Variants in CTAGE8 observed in about 807,000 individuals in gnomAD.
CTAGE8 encodes the protein CTAGE family member 8.
For missense variants in CTAGE8, 45 were observed against 284.9 expected (o/e 0.16, Z 6.06); for synonymous variants, 10 against 100.1 (o/e 0.10, Z 5.37).
chr7:144,267,550 G>A lies in CTAGE8; in HGVS notation c.1701C>T (p.Pro567=). 3.8e-6 allele frequency: 2 copies of A among 527,084 alleles called. No individual in the cohort carries two copies. Among genetic ancestry groups the A allele is most frequent in the Non-Finnish European group, 5.6e-6 (2 of 354,148 alleles). The allele number at this position is 527,084 out of a possible 1,614,324, so 32.7% of individuals were successfully genotyped here. The part of the protein sequence containing the change: ...GGRGPSSPGN[P]LDHQITNERG... ...TTTCATTGGTAATCTGATGGTCCAG[G>A]GGATTCCCTGGGCTGCTTGGGCCTC... is the stretch of plus-strand genomic sequence containing the variant. The change falls in exon 1 of 1, where the codon CCC becomes CCT. Residue 567 remains proline, a synonymous_variant. Transcript: ENST00000487179.
Position 144,267,114 on chromosome 7 carries a change from G to C in CTAGE8, c.2137C>G (p.Pro713Ala), listed in dbSNP as rs1472036253. Residue 713 changes from proline to alanine, a missense_variant, in exon 1 of 1, where the codon CCG (proline) becomes GCG (alanine). By Grantham distance (27) the Pro-to-Ala change is conservative. Coordinates refer to ENST00000487179, the MANE Select transcript of CTAGE8 (RefSeq NM_001278507.2). ...AAAGGAGGTCCTCTTCTCATGAACG[G>C]GCCCCTTGTATCCACTGGAAACAAT... is the stretch of plus-strand genomic sequence containing the variant. ...GPLFPVDTRG[P>A]FMRRGPPFPP... is the part of the protein sequence containing the mutation. 3.2e-6 allele frequency: 5 copies of C among 1,564,354 alleles called. No individual in the cohort carries two copies. In the Admixed American group the frequency reaches 8.8e-5, roughly 28 times the overall value.
rs2052718192 is a variant in CTAGE8 at position 144,267,136 on chromosome 7, C to T, written c.2115G>A (p.Leu705=). 6.4e-7 allele frequency: 1 copy of T among 1,570,790 alleles called. No homozygotes were observed. The highest frequency in any genetic ancestry group is 1.4e-5 in the African/African-American group (1 of 70,376). Residue 705 remains leucine, a synonymous_variant, in exon 1 of 1, where the codon TTG becomes TTA. Coordinates refer to ENST00000487179, the MANE Select transcript of CTAGE8 (RefSeq NM_001278507.2). ...ACGGGCCCCTTGTATCCACTGGAAA[C>T]AATGGTCCTCTGACTGGAGCAAGAG... The part of the protein sequence containing the change: ...PPPLAPVRGP[L]FPVDTRGPFM...
rs1304667535 is a variant in CTAGE8, at chr7:144,267,153, G to A, written c.2098C>T (p.Pro700Ser). ...ACTGGAAACAATGGTCCTCTGACTGGAGCAAGAGGTGGAGGAATAAAGCCA... is the reference window on the plus strand; with the variant it reads ...ACTGGAAACAATGGTCCTCTGACTGAAGCAAGAGGTGGAGGAATAAAGCCA... ...GPGFIPPPLA[P>S]VRGPLFPVDT... Residue 700 changes from proline to serine, a missense_variant, in exon 1 of 1, where the codon CCA becomes TCA. By Grantham distance (74) the Pro-to-Ser change is moderately conservative. Transcript: ENST00000487179. 1 of 1,578,104 alleles carries A rather than the reference G, an allele frequency of 6.3e-7. No individual in the cohort carries two copies. Among genetic ancestry groups the A allele is most frequent in the East Asian group, 2.3e-5 (1 of 44,180 alleles).
chr7:144,267,164 G>C lies in CTAGE8; in HGVS notation c.2087C>G (p.Pro696Arg), dbSNP rs1187404827. 1 of 1,592,692 alleles carries C rather than the reference G, an allele frequency of 6.3e-7. No homozygotes were observed. The highest frequency in any genetic ancestry group is 1.7e-5 in the Admixed American group (1 of 58,016). Reference protein sequence around the residue: ...NEATGPGFIPPPLAPVRGPLF... With the variant: ...NEATGPGFIPRPLAPVRGPLF... ...TGGTCCTCTGACTGGAGCAAGAGGTGGAGGAATAAAGCCAGGGCCAGTTGC... is the reference window on the plus strand; with the variant it reads ...TGGTCCTCTGACTGGAGCAAGAGGTCGAGGAATAAAGCCAGGGCCAGTTGC... Residue 696 changes from proline to arginine, a missense_variant, in exon 1 of 1, where the codon CCA becomes CGA. Pro to Arg is a moderately radical substitution (Grantham distance 103, BLOSUM62 -2). Coordinates refer to ENST00000487179, the MANE Select transcript of CTAGE8 (RefSeq NM_001278507.2).
chr7:144,266,795 T>C lies in CTAGE8; in HGVS notation c.*122A>G. 1 of 561,028 alleles carries C rather than the reference T, an allele frequency of 1.8e-6. No individual in the cohort carries two copies. Among genetic ancestry groups the C allele is most frequent in the Non-Finnish European group, 2.8e-6 (1 of 353,118 alleles). The allele number at this position is 561,028 out of a possible 1,614,324, so 34.8% of individuals were successfully genotyped here. A position where few individuals can be genotyped will look rare whatever the true frequency, so the allele number is the denominator to read the frequency against. On this transcript the variant is annotated 3_prime_UTR_variant, in exon 1 of 1. Coordinates refer to ENST00000487179, the MANE Select transcript of CTAGE8 (RefSeq NM_001278507.2). ...GCAGTTACTTAAACTGAAAATGAGATCAGTCAAAATTACTTTTGAAGAAAG... is the reference window on the plus strand; with the variant it reads ...GCAGTTACTTAAACTGAAAATGAGACCAGTCAAAATTACTTTTGAAGAAAG...
At position 144,267,141 on chromosome 7, in the gene CTAGE8, G is replaced by C; in HGVS notation, c.2110C>G (p.Pro704Ala). ...IPPPLAPVRG[P>A]LFPVDTRGPF... The stretch of plus-strand genomic sequence containing the variant: ...CCCCTTGTATCCACTGGAAACAATG[G>C]TCCTCTGACTGGAGCAAGAGGTGGA... Residue 704 changes from proline (P) to alanine (A), a missense_variant, in exon 1 of 1, where the codon CCA becomes GCA. Physicochemically the swap from Pro to Ala is conservative, Grantham distance 27. Transcript: ENST00000487179. 1 of 1,571,630 alleles carries C rather than the reference G, an allele frequency of 6.4e-7. No individual in the cohort carries two copies. Among genetic ancestry groups the C allele is most frequent in the Admixed American group, 1.7e-5 (1 of 57,276 alleles).
At position 144,267,393 on chromosome 7, in the gene CTAGE8, T is replaced by C. The variant is rs200499471; in HGVS notation, c.1858A>G (p.Thr620Ala). 0.016 allele frequency: 20,947 copies of C among 1,316,798 alleles called. 457 individuals carry two copies. The highest frequency in any genetic ancestry group is 0.091 in the East Asian group (3,177 of 35,074). 81.6% of individuals were successfully genotyped at this position (1,316,798 alleles called of 1,614,324 possible). ...CTGTCTTCCCTTTGTGGAGGAAGAG[T>C]TGAATCAGGATATGATTGCCCTGGT... is the stretch of plus-strand genomic sequence containing the variant. ...PPPGQSYPDS[T>A]LPPQREDRFY... is the part of the protein sequence containing the mutation. The change falls in exon 1 of 1, where the codon ACT (threonine) becomes GCT (alanine). Residue 620 changes from threonine to alanine, a missense_variant. Transcript: ENST00000487179.
Position 144,266,713 on chromosome 7 carries a change from G to A in CTAGE8, c.*204C>T. 2.8e-6 allele frequency: 1 copy of A among 361,252 alleles called. No individual in the cohort carries two copies. Among genetic ancestry groups the A allele is most frequent in the Non-Finnish European group, 4.7e-6 (1 of 214,196 alleles). The allele number at this position is 361,252 out of a possible 1,614,324, so 22.4% of individuals were successfully genotyped here. A position where few individuals can be genotyped will look rare whatever the true frequency, so the allele number is the denominator to read the frequency against. ...ATCTTTATTTACGAAATACTATCCT[G>A]AGAACTATTATTCCATTAAACTTCA... On this transcript the variant is annotated 3_prime_UTR_variant, in exon 1 of 1. Coordinates refer to ENST00000487179, the MANE Select transcript of CTAGE8 (RefSeq NM_001278507.2).
At position 144,266,796 on chromosome 7, in the gene CTAGE8, C is replaced by A. The variant is rs1223259447; in HGVS notation, c.*121G>T. 1 of 562,504 alleles carries A rather than the reference C, an allele frequency of 1.8e-6. No homozygotes were observed. The highest frequency in any genetic ancestry group is 3.2e-5 in the African/African-American group (1 of 31,530). The allele number at this position is 562,504 out of a possible 1,614,324, so 34.8% of individuals were successfully genotyped here. ...CAGTTACTTAAACTGAAAATGAGATCAGTCAAAATTACTTTTGAAGAAAGC... is the reference window on the plus strand; with the variant it reads ...CAGTTACTTAAACTGAAAATGAGATAAGTCAAAATTACTTTTGAAGAAAGC... On this transcript the variant is annotated 3_prime_UTR_variant, in exon 1 of 1. Coordinates refer to ENST00000487179, the MANE Select transcript of CTAGE8 (RefSeq NM_001278507.2).
Position 144,267,584 on chromosome 7 carries a change from C to A in CTAGE8, c.1667G>T (p.Gly556Val). The A allele has an allele frequency of 4.8e-6, 2 of 417,024 alleles. No individual in the cohort carries two copies. The highest frequency in any genetic ancestry group is 7.6e-6 in the Non-Finnish European group (2 of 262,562). 25.8% of individuals were successfully genotyped at this position (417,024 alleles called of 1,614,324 possible). ...TGGGCTGCTTGGGCCTCTTCCTCCT[C>A]CCCCTGGAAGCACAGGTGAGAGTCT... ...PLRLSPVLPG[G>V]GGRGPSSPGN... is the part of the protein sequence containing the mutation. Residue 556 changes from glycine (G) to valine (V), a missense_variant, in exon 1 of 1, where the codon GGA becomes GTA. By Grantham distance (109) the Gly-to-Val change is moderately radical (BLOSUM62 -3). Coordinates refer to ENST00000487179, the MANE Select transcript of CTAGE8 (RefSeq NM_001278507.2).
Position 144,267,061 on chromosome 7 carries a change from A to C in CTAGE8, c.2190T>G (p.Phe730Leu). The change falls in exon 1 of 1, where the codon TTT (phenylalanine) becomes TTG (leucine). Residue 730 changes from phenylalanine to leucine, a missense_variant. Phe to Leu is a conservative substitution (Grantham distance 22). Transcript: ENST00000487179. ...GTGGAAAATAACCTCGAGAAGCTCCAAACATGGTTCCTGGAGGAGGTGGGG... is the reference window on the plus strand; with the variant it reads ...GTGGAAAATAACCTCGAGAAGCTCCCAACATGGTTCCTGGAGGAGGTGGGG... ...PFPPPPPGTM[F>L]GASRGYFPPR... 1.7e-6 allele frequency: 1 copy of C among 604,478 alleles called. No homozygotes were observed. The highest frequency in any genetic ancestry group is 2.8e-5 in the East Asian group (1 of 35,850). 37.4% of individuals were successfully genotyped at this position (604,478 alleles called of 1,614,324 possible).
chr7:144,267,348 T>C lies in CTAGE8; in HGVS notation c.1903A>G (p.Arg635Gly). The C allele has an allele frequency of 2.1e-6, 3 of 1,462,142 alleles. No homozygotes were observed. The highest frequency in any genetic ancestry group is 2.7e-6 in the Non-Finnish European group (3 of 1,094,374). 90.6% of individuals were successfully genotyped at this position (1,462,142 alleles called of 1,614,324 possible). Reference sequence around the variant, plus strand: ...CTGGGTTCTGCTGGTCCAGACAGTCTTTCAGAATTAGAATAAAATCTGTCT... The same window carrying C: ...CTGGGTTCTGCTGGTCCAGACAGTCCTTCAGAATTAGAATAAAATCTGTCT... ...REDRFYSNSE[R>G]LSGPAEPRSF... The change falls in exon 1 of 1, where the codon AGA (arginine) becomes GGA (glycine). Residue 635 changes from arginine (R) to glycine (G), a missense_variant. Coordinates refer to ENST00000487179, the MANE Select transcript of CTAGE8 (RefSeq NM_001278507.2).
chr7:144,267,650 C>G lies in CTAGE8; in HGVS notation c.1601G>C (p.Arg534Thr). The G allele has an allele frequency of 9.9e-6, 3 of 303,988 alleles. No homozygotes were observed. The highest frequency in any genetic ancestry group is 1.6e-5 in the Non-Finnish European group (3 of 182,586). 18.8% of individuals were successfully genotyped at this position (303,988 alleles called of 1,614,324 possible). ...SPLGRPSSET[R>T]AFPSPQTLLE... ...CAAAGTTTGAGGAGAGGGAAAAGCT[C>G]TCGTTTCAGATGAAGGCCGACCCAA... The change falls in exon 1 of 1, where the codon AGA becomes ACA. Residue 534 changes from arginine to threonine, a missense_variant. Arg to Thr is a moderately conservative substitution (Grantham distance 71). Transcript: ENST00000487179.
Position 144,267,581 on chromosome 7 carries a change from C to T in CTAGE8, c.1670G>A (p.Gly557Glu). The T allele has an allele frequency of 2.4e-6, 1 of 423,832 alleles. No homozygotes were observed. The highest frequency in any genetic ancestry group is 2.3e-5 in the South Asian group (1 of 42,592). The allele number at this position is 423,832 out of a possible 1,614,324, so 26.3% of individuals were successfully genotyped here. A position where few individuals can be genotyped will look rare whatever the true frequency, so the allele number is the denominator to read the frequency against. The change falls in exon 1 of 1, where the codon GGA becomes GAA. Residue 557 changes from glycine to glutamate, a missense_variant. By Grantham distance (98) the Gly-to-Glu change is moderately conservative. Transcript: ENST00000487179. Reference protein sequence around the residue: ...LRLSPVLPGGGGRGPSSPGNP... With the variant: ...LRLSPVLPGGEGRGPSSPGNP... ...CCCTGGGCTGCTTGGGCCTCTTCCTCCTCCCCCTGGAAGCACAGGTGAGAG... is the reference window on the plus strand; with the variant it reads ...CCCTGGGCTGCTTGGGCCTCTTCCTTCTCCCCCTGGAAGCACAGGTGAGAG...
In CTAGE8 at chr7:144,267,174, A is replaced by G. The variant is rs1635873; in HGVS notation, c.2077T>C (p.Phe693Leu). Residue 693 changes from phenylalanine to leucine, a missense_variant, in exon 1 of 1, where the codon TTT (phenylalanine) becomes CTT (leucine). Phe to Leu is a conservative substitution (Grantham distance 22, BLOSUM62 0). Coordinates refer to ENST00000487179, the MANE Select transcript of CTAGE8 (RefSeq NM_001278507.2). Reference protein sequence around the residue: ...PAENEATGPGFIPPPLAPVRG... With the variant: ...PAENEATGPGLIPPPLAPVRG... ...ACTGGAGCAAGAGGTGGAGGAATAA[A>G]GCCAGGGCCAGTTGCTTCATTTTCA... The G allele has an allele frequency of 0.36, 524,831 of 1,439,152 alleles. 68,112 individuals carry two copies. Among genetic ancestry groups the G allele is most frequent in the Non-Finnish European group, 0.39 (408,932 of 1,058,520 alleles). The allele number at this position is 1,439,152 out of a possible 1,614,324, so 89.1% of individuals were successfully genotyped here.
rs2052722422 is a variant in CTAGE8, at chr7:144,267,414, C to G, written c.1837G>C (p.Gly613Arg). ...AGAGTTGAATCAGGATATGATTGCC[C>G]TGGTGGAGGAAACATCATCCTACGG... Reference protein sequence around the residue: ...QDRRMMFPPPGQSYPDSTLPP... With the variant: ...QDRRMMFPPPRQSYPDSTLPP... The change falls in exon 1 of 1, where the codon GGG becomes CGG. Residue 613 changes from glycine (G) to arginine (R), a missense_variant. Coordinates refer to ENST00000487179, the MANE Select transcript of CTAGE8 (RefSeq NM_001278507.2). The G allele has an allele frequency of 2.4e-6, 3 of 1,268,598 alleles. No homozygotes were observed. Among genetic ancestry groups the G allele is most frequent in the Admixed American group, 2.7e-5 (1 of 37,188 alleles). The allele number at this position is 1,268,598 out of a possible 1,614,324, so 78.6% of individuals were successfully genotyped here. A position where few individuals can be genotyped will look rare whatever the true frequency, so the allele number is the denominator to read the frequency against.
chr7:144,266,821 C>T lies in CTAGE8; in HGVS notation c.*96G>A. Reference sequence around the variant, plus strand: ...CAGTCAAAATTACTTTTGAAGAAAGCAACAATATTGTCAGGTTTCTTGCTG... The same window carrying T: ...CAGTCAAAATTACTTTTGAAGAAAGTAACAATATTGTCAGGTTTCTTGCTG... On this transcript the variant is annotated 3_prime_UTR_variant, in exon 1 of 1. Coordinates refer to ENST00000487179, the MANE Select transcript of CTAGE8 (RefSeq NM_001278507.2). 1 of 713,718 alleles carries T rather than the reference C, an allele frequency of 1.4e-6. No homozygotes were observed. Among genetic ancestry groups the T allele is most frequent in the Non-Finnish European group, 2.1e-6 (1 of 480,708 alleles). The allele number at this position is 713,718 out of a possible 1,614,324, so 44.2% of individuals were successfully genotyped here.
chr7:144,267,423 G>A lies in CTAGE8; in HGVS notation c.1828C>T (p.Pro610Ser). The A allele has an allele frequency of 1.6e-6, 2 of 1,233,842 alleles. No homozygotes were observed. Among genetic ancestry groups the A allele is most frequent in the Non-Finnish European group, 1.1e-6 (1 of 927,418 alleles). The allele number at this position is 1,233,842 out of a possible 1,614,324, so 76.4% of individuals were successfully genotyped here. The change falls in exon 1 of 1, where the codon CCT (proline) becomes TCT (serine). Residue 610 changes from proline (P) to serine (S), a missense_variant. Transcript: ENST00000487179. ...TCAGGATATGATTGCCCTGGTGGAGGAAACATCATCCTACGGTCCTGTTCC... is the reference window on the plus strand; with the variant it reads ...TCAGGATATGATTGCCCTGGTGGAGAAAACATCATCCTACGGTCCTGTTCC... ...PVEQDRRMMF[P>S]PPGQSYPDST...
chr7:144,266,783 C>G lies in CTAGE8; in HGVS notation c.*134G>C. ...ACTTAAGTAACAGCAGTTACTTAAA[C>G]TGAAAATGAGATCAGTCAAAATTAC... On this transcript the variant is annotated 3_prime_UTR_variant, in exon 1 of 1. Transcript: ENST00000487179. 1 of 527,228 alleles carries G rather than the reference C, an allele frequency of 1.9e-6. No homozygotes were observed. The allele number at this position is 527,228 out of a possible 1,614,324, so 32.7% of individuals were successfully genotyped here. A position where few individuals can be genotyped will look rare whatever the true frequency, so the allele number is the denominator to read the frequency against.
Sources: gnomAD v4.1 joint callset for allele counts on GRCh38, gnomAD v4.1.1 for gene constraint, MANE v1.5 for transcripts, NCBI Gene and HGNC (gene_info 2026-07-23, HGNC 2026-07-21) for gene names.